Variants in PCBP3 observed in about 807,000 individuals in gnomAD.
PCBP3 encodes poly(rC)-binding protein 3.
Under a neutral mutation model 52.7 loss-of-function variants are expected in PCBP3, and 25 were observed. The ratio of observed to expected loss-of-function variants is 0.47; its 90% CI spans 0.35 to 0.66. The LOEUF (loss-of-function observed/expected upper bound fraction) is 0.66. Ranked by LOEUF, PCBP3 falls within the 30% of genes least tolerant of loss-of-function variation. PCBP3 has a pLI of 0.01. For missense variants in PCBP3, 391 were observed against 490.3 expected, an observed-to-expected ratio of 0.80 and a Z score of 1.91; for synonymous variants, 162 against 183.0, an observed-to-expected ratio of 0.89 and a Z score of 0.93.
intron 2 of PCBP3, among the ~76,000 whole-genome samples, chr21:45,690,070 A>G (rs1021978746): frequency 2.0e-5 from 3 of 152,182 alleles, no homozygotes; most frequent in Non-Finnish European, 2.9e-5. Context: ...GGAAAAGAAC[A>G]AAGTTGGAGG....
intron 2 of PCBP3, chr21:45,673,629 G>T (rs955778179): frequency 1.3e-5 from 2 of 152,086 alleles, no homozygotes; most frequent in African/African-American, 4.8e-5. Context: ...CTTCTCCTGG[G>T]GCCCTTGTGG....
chr21:45,898,386 A>AGCCTCCCTCTGCACACCGTCCTCACG (rs2095894971), intron 6 of PCBP3, among the ~76,000 whole-genome samples: 2 of 63,326 alleles, frequency 3.2e-5, no homozygotes, highest in African/African-American at 1.1e-4. Context: ...CCGTCCTCAC[A>AGCCTCCCTCTGCACACCGTCCTCACG]GCCTCCCTCT....
chr21:45,941,534 G>C, intron 17 of PCBP3, 136 bp from the exon 18 acceptor site: 1 of 698,610 alleles, frequency 1.4e-6, no homozygotes, highest in Non-Finnish European at 2.4e-6. Flanking sequence ...GTGGTCTCCA[G>C]CTCAGGACCT....
chr21:45,780,634 G>C (rs756399839), intron 4 of PCBP3, among the ~76,000 whole-genome samples: 1 of 152,194 alleles, frequency 6.6e-6, no homozygotes, highest in Non-Finnish European at 1.5e-5. Context: ...TGGGTGTGTG[G>C]CTCGGGTGAA....
rs1197115470 is a variant in PCBP3, at chr21:45,800,697, G to A, written c.-126+45245G>A. On this transcript the variant is annotated intron_variant, in intron 4 of 17. Coordinates refer to ENST00000681687, the MANE Select transcript of PCBP3 (RefSeq NM_001384156.1). The surrounding 1 kb of genome is among the most constrained non-coding windows in gnomAD (Gnocchi z 5.3). ...CCTGTGCCCTCCTGAGCCTGGGTGAGGTGGCCCTCCCACCTGGGCCATGTG... is the reference window on the plus strand; with the variant it reads ...CCTGTGCCCTCCTGAGCCTGGGTGAAGTGGCCCTCCCACCTGGGCCATGTG... Among the ~76,000 whole-genome samples the A allele has an allele frequency of 3.3e-5, 5 of 152,242 alleles. No homozygotes were observed. The highest frequency in any genetic ancestry group is 1.2e-4 in the African/African-American group (5 of 41,468).
In PCBP3 at chr21:45,930,804, A is replaced by G. The variant is rs747985468; in HGVS notation, c.815A>G (p.His272Arg). The G allele has an allele frequency of 4.1e-5, 60 of 1,477,940 alleles. No individual in the cohort carries two copies. In the South Asian group the frequency reaches 6.4e-4, roughly 16 times the overall value. The allele number at this position is 1,477,940 out of a possible 1,614,324, so 91.6% of individuals were successfully genotyped here. A position where few individuals can be genotyped will look rare whatever the true frequency, so the allele number is the denominator to read the frequency against. ...PAFPGEKLPL[H>R]SSEEAQNLMG... Reference sequence around the variant, plus strand: ...TCTCCAGGAGAAAAGCTGCCTTTACACTCCTCCGAAGAAGCTCAAAATCTG... The same window carrying G: ...TCTCCAGGAGAAAAGCTGCCTTTACGCTCCTCCGAAGAAGCTCAAAATCTG... Residue 272 changes from histidine (H) to arginine (R), a missense_variant, in exon 15 of 18, where the codon CAC (histidine) becomes CGC (arginine). Physicochemically the swap from His to Arg is conservative, Grantham distance 29 (BLOSUM62 0). Transcript: ENST00000681687.
rs545742612 is a variant in PCBP3 at position 45,659,218 on chromosome 21, G to A, written c.-278-9656G>A. 1.3e-3 allele frequency among the ~76,000 whole-genome samples: 190 copies of A among 150,636 alleles called. 1 individual carries two copies. Among genetic ancestry groups the A allele is most frequent in the African/African-American group, 4.2e-3 (173 of 40,986 alleles). ...TTTTTCTGATTTCTTAAGGTAGAAC[G>A]TTAGGTTATTGATTTGAGATATTTC... On this transcript the variant is annotated intron_variant, in intron 1 of 17. Coordinates refer to ENST00000681687, the MANE Select transcript of PCBP3 (RefSeq NM_001384156.1).
chr21:45,898,293 G>GCACACCATCCTCACAGCCTCCCTCTA (rs2095884746), intron 6 of PCBP3, among the ~76,000 whole-genome samples: 2 of 65,068 alleles, frequency 3.1e-5, no homozygotes, highest in Admixed American at 1.6e-4. Flanking sequence ...GGGCCCCTCT[G>GCACACCATCCTCACAGCCTCCCTCTA]CACACCGTCC....
rs138226209 is a variant in PCBP3, at chr21:45,667,075, G to GTTCTTTCTTTCTTTCTTTCTTTCT, written c.-278-1788_-278-1765dup. ...TGAGAGTTTCATTATGCATCTGTTT[G>GTTCTTTCTTTCTTTCTTTCTTTCT]TTCTTTCTTTCTTTCTTTCTTTCTT... On this transcript the variant is annotated intron_variant, in intron 1 of 17. Transcript: ENST00000681687. Among the ~76,000 whole-genome samples the GTTCTTTCTTTCTTTCTTTCTTTCT allele has an allele frequency of 4.7e-4, 69 of 147,668 alleles. 1 individual carries two copies. Among genetic ancestry groups the GTTCTTTCTTTCTTTCTTTCTTTCT allele is most frequent in the African/African-American group, 1.6e-3 (64 of 39,598 alleles).
chr21:45,683,368 G>A (rs1175769613), intron 2 of PCBP3, among the ~76,000 whole-genome samples: 2 of 152,184 alleles, frequency 1.3e-5, no homozygotes, highest in Non-Finnish European at 2.9e-5. Flanking sequence ...GAGGATAATG[G>A]TGATGCCTTT....
chr21:45,768,033 C>T (rs2089516059), intron 4 of PCBP3, among the ~76,000 whole-genome samples: 1 of 152,280 alleles, frequency 6.6e-6, no homozygotes, highest in African/African-American at 2.4e-5. Context: ...GGCCACAGGC[C>T]ATGGTGCCAG....
intron 10 of PCBP3, 76 bp downstream of exon 10, chr21:45,909,562 C>T: frequency 7.0e-7 from 1 of 1,435,420 alleles, no homozygotes; most frequent in Non-Finnish European, 9.6e-7. Context: ...GGCCAGGCAG[C>T]CTTCCTGAGC....
At chr21:45,718,957 A>G (rs549749887) in intron 2 of PCBP3, among the ~76,000 whole-genome samples, 1 of 152,332 alleles carries the variant, frequency 6.6e-6, no homozygotes, top group African/African-American at 2.4e-5. Context: ...AGAGCTGCCT[A>G]TTCATCTGAT....
intron 16 of PCBP3, among the ~76,000 whole-genome samples, chr21:45,939,128 C>T (rs2077184343): frequency 6.6e-6 from 1 of 152,258 alleles, no homozygotes; most frequent in South Asian, 2.1e-4. Context: ...TGCCCAGCTG[C>T]CCTCCTGGTG....
At chr21:45,676,763 TTTTA>T (rs1481017485) in intron 2 of PCBP3, among the ~76,000 whole-genome samples, 3 of 152,030 alleles carry the variant, frequency 2.0e-5, no homozygotes, top group Non-Finnish European at 4.4e-5. Flanking sequence ...ACATCTCTCA[TTTTA>T]TTTATTTTTT....
At chr21:45,864,962 G>A (rs1264870294) in intron 5 of PCBP3, among the ~76,000 whole-genome samples, 1 of 152,106 alleles carries the variant, frequency 6.6e-6, no homozygotes, top group Admixed American at 6.5e-5. Flanking sequence ...CTGCATTTAG[G>A]CTAATACCCA....
At chr21:45,799,752 G>A (rs1019648481) in intron 4 of PCBP3, among the ~76,000 whole-genome samples, 1 of 152,154 alleles carries the variant, frequency 6.6e-6, no homozygotes, top group African/African-American at 2.4e-5. Context: ...AGCCTGGGGT[G>A]CTGGGAACTG....
At position 45,776,887 on chromosome 21, in the gene PCBP3, G is replaced by A. The variant is rs1371913468; in HGVS notation, c.-126+21435G>A. 4.6e-5 allele frequency among the ~76,000 whole-genome samples: 7 copies of A among 152,210 alleles called. 1 individual carries two copies. In the Middle Eastern group the frequency reaches 0.01, roughly 222 times the overall value. On this transcript the variant is annotated intron_variant, in intron 4 of 17. Coordinates refer to ENST00000681687, the MANE Select transcript of PCBP3 (RefSeq NM_001384156.1). ...ATTATATGACAGGTTTGTTTCTGTC[G>A]TATGGTTGTTTTCTTGCTTTATGTA... is the stretch of plus-strand genomic sequence containing the variant.
intron 5 of PCBP3, among the ~76,000 whole-genome samples, chr21:45,856,554 C>A (rs1419122505): frequency 2.0e-5 from 3 of 152,192 alleles, no homozygotes; most frequent in Non-Finnish European, 4.4e-5. Context: ...TCCTTGAGTT[C>A]ACAGGAGACC....
Sources: allele counts gnomAD v4.1 joint callset (sites outside exome capture counted in the v4.1 genomes callset), GRCh38; gene constraint gnomAD v4.1.1; non-coding constraint Gnocchi (gnomAD v3.1); transcripts MANE v1.5; gene names NCBI Gene and HGNC (gene_info 2026-07-23, HGNC 2026-07-21).